Variants in HDHD2 observed in about 807,000 individuals in gnomAD.
HDHD2 encodes haloacid dehalogenase like hydrolase domain containing 2, also known as haloacid dehalogenase-like hydrolase domain-containing protein 2.
In HDHD2, 26 loss-of-function variants were observed where a neutral mutation model predicts 24.8. The ratio of observed to expected loss-of-function variants is 1.05; its 90% confidence interval spans 0.77 to 1.45. The LOEUF (loss-of-function observed/expected upper bound fraction) is 1.45. HDHD2 is among the 40% of genes most tolerant of loss of function. The pLI, the probability that HDHD2 is intolerant of heterozygous loss-of-function variation, is 0.00. For synonymous variants in HDHD2, 128 were observed against 114.9 expected (o/e 1.11, Z -0.73); for missense variants, 299 against 313.4 (o/e 0.95, Z 0.35).
chr18:47,136,357 G>A lies in HDHD2; in HGVS notation c.83C>T (p.Ala28Val). ...LHIEDAAVPGAQEALKRLRGA... is the reference protein window; with the variant it reads ...LHIEDAAVPGVQEALKRLRGA... ...AGCTTGCCTTTTAAGAGCTTCCTGT[G>A]CGCCTGGCACAGCTGCATCTTCAAT... The change falls in exon 2 of 7, where the codon GCA (alanine) becomes GTA (valine). Residue 28 changes from alanine to valine, a missense_variant. Coordinates refer to ENST00000300605, the MANE Select transcript of HDHD2 (RefSeq NM_032124.5). 1.9e-6 allele frequency: 3 copies of A among 1,613,572 alleles called. No individual in the cohort carries two copies. The highest frequency in any genetic ancestry group is 2.5e-6 in the Non-Finnish European group (3 of 1,179,948).
intron 4 of HDHD2, among the ~76,000 whole-genome samples, chr18:47,122,647 G>C (rs914901144): frequency 6.6e-6 from 1 of 151,984 alleles, no homozygotes; most frequent in Non-Finnish European, 1.5e-5. Flanking sequence ...TGAAAAACAC[G>C]AAAGGAAAAT....
chr18:47,136,507 A>C, intron 1 of HDHD2, 58 bp from the exon 2 acceptor site: 1 of 1,399,220 alleles, frequency 7.1e-7, no homozygotes, highest in Admixed American at 1.8e-5. Flanking sequence ...ACAATTAAAA[A>C]CTGGTAAGTA....
chr18:47,136,189 C>T, intron 2 of HDHD2, 150 bp downstream of exon 2: 1 of 853,660 alleles, frequency 1.2e-6, no homozygotes, highest in Non-Finnish European at 1.7e-6. Context: ...AATTGTAATG[C>T]ATACATCTTC....
chr18:47,115,968 C>G (rs2063555364), intron 4 of HDHD2, among the ~76,000 whole-genome samples: 1 of 152,142 alleles, frequency 6.6e-6, no homozygotes, highest in African/African-American at 2.4e-5. Context: ...AGACCCTTCC[C>G]CATCAGGTCC....
rs1430782940 is a variant in HDHD2 at position 47,133,137 on chromosome 18, C to A, written c.310+1359G>T. The stretch of plus-strand genomic sequence containing the variant: ...ATTAGGTATATCTCCTAACGCTATC[C>A]CTCCCCACTCCCCCCACCCCACAAC... On this transcript the variant is annotated intron_variant, in intron 3 of 6. Transcript: ENST00000300605. 3.9e-3 allele frequency among the ~76,000 whole-genome samples: 594 copies of A among 150,566 alleles called. 5 individuals carry two copies. Among genetic ancestry groups the A allele is most frequent in the African/African-American group, 0.014 (554 of 40,298 alleles).
At chr18:47,109,354 TC>T (rs1418321582) in intron 6 of HDHD2, 1 of 152,602 alleles carries the variant, frequency 6.6e-6, no homozygotes, top group Non-Finnish European at 1.5e-5. Context: ...TGCCTGACTC[TC>T]CCAACCGTGG....
intron 6 of HDHD2, chr18:47,110,490 C>T: frequency 1.0e-6 from 1 of 985,014 alleles, no homozygotes; most frequent in Non-Finnish European, 1.2e-6. Flanking sequence ...GACCTACTTT[C>T]TGGATCCAGT....
intron 4 of HDHD2, among the ~76,000 whole-genome samples, chr18:47,128,386 G>A (rs961648696): frequency 6.6e-6 from 1 of 152,134 alleles, no homozygotes; most frequent in Non-Finnish European, 1.5e-5. Context: ...AGTAGTAGAA[G>A]TAAATTCAGA....
At chr18:47,135,811 G>A (rs2063760471) in intron 2 of HDHD2, among the ~76,000 whole-genome samples, 2 of 151,986 alleles carry the variant, frequency 1.3e-5, no homozygotes, top group African/African-American at 4.8e-5. Flanking sequence ...CCAGACTTCT[G>A]TTTAGTATTG....
chr18:47,136,538 C>G (rs2063767935), intron 1 of HDHD2, 89 bp from the exon 2 acceptor site: 1 of 1,026,502 alleles, frequency 9.7e-7, no homozygotes, highest in African/African-American at 1.6e-5. Context: ...TCACTCATAT[C>G]CAGAAAGATC....
intron 4 of HDHD2, among the ~76,000 whole-genome samples, chr18:47,124,756 A>G (rs2063641886): frequency 6.6e-6 from 1 of 151,834 alleles, no homozygotes; most frequent in Admixed American, 6.6e-5. Flanking sequence ...TAAGAAAAAG[A>G]CATCCCAATC....
intron 1 of HDHD2, among the ~76,000 whole-genome samples, chr18:47,140,550 G>A (rs1348578363): frequency 6.6e-6 from 1 of 151,906 alleles, no homozygotes; most frequent in Non-Finnish European, 1.5e-5. Flanking sequence ...ACAGGGCCTT[G>A]TTCTGTCACC....
At chr18:47,144,473 T>C (rs915341068) in intron 1 of HDHD2, among the ~76,000 whole-genome samples, 1 of 152,178 alleles carries the variant, frequency 6.6e-6, no homozygotes, top group African/African-American at 2.4e-5. Context: ...CATAAACCAG[T>C]GCTGGACCCA....
At position 47,136,446 on chromosome 18, in the gene HDHD2, T is replaced by C. The variant is rs903653037; in HGVS notation, c.-7A>G. 1 of 1,611,826 alleles carries C rather than the reference T, an allele frequency of 6.2e-7. No individual in the cohort carries two copies. The highest frequency in any genetic ancestry group is 8.5e-7 in the Non-Finnish European group (1 of 1,179,516). ...ATGCACGGCATGCTGCCATCCTTCA[T>C]TCCCTAGGAGAGAGCAAATGAAATT... is the stretch of plus-strand genomic sequence containing the variant. On this transcript the variant is annotated 5_prime_UTR_variant, in exon 2 of 7. The change abolishes an upstream ATG in the 5' untranslated region. Coordinates refer to ENST00000300605, the MANE Select transcript of HDHD2 (RefSeq NM_032124.5).
intron 4 of HDHD2, among the ~76,000 whole-genome samples, chr18:47,117,564 T>C (rs1473393368): frequency 6.6e-6 from 1 of 152,222 alleles, no homozygotes; most frequent in Non-Finnish European, 1.5e-5. Flanking sequence ...GAAATAACTC[T>C]GTTCTTTATA....
At chr18:47,133,369 C>T (rs1047373914) in intron 3 of HDHD2, among the ~76,000 whole-genome samples, 2 of 151,964 alleles carry the variant, frequency 1.3e-5, no homozygotes, top group African/African-American at 4.8e-5. Flanking sequence ...TGTATATGTG[C>T]CACATTTTCT....
In HDHD2 at chr18:47,115,158, G is replaced by T; in HGVS notation, c.586C>A (p.Pro196Thr). The T allele has an allele frequency of 6.2e-7, 1 of 1,613,520 alleles. No individual in the cohort carries two copies. Among genetic ancestry groups the T allele is most frequent in the Non-Finnish European group, 8.5e-7 (1 of 1,179,710 alleles). ...TCTCCTATCATGACAGCCTCCTCAG[G>T]TTCACAGCCAGTGCCCCGCAATGCT... ...LEALRGTGCE[P>T]EEAVMIGDDC... The change falls in exon 5 of 7, where the codon CCT becomes ACT. Residue 196 changes from proline to threonine, a missense_variant. Coordinates refer to ENST00000300605, the MANE Select transcript of HDHD2 (RefSeq NM_032124.5).
intron 4 of HDHD2, among the ~76,000 whole-genome samples, chr18:47,116,756 T>C (rs1011203467): frequency 3.9e-5 from 6 of 152,222 alleles, no homozygotes; most frequent in African/African-American, 1.4e-4. Flanking sequence ...CAAGCCCACT[T>C]ATTTGCTACT....
intron 5 of HDHD2, among the ~76,000 whole-genome samples, chr18:47,113,714 T>C (rs773222835): frequency 2.0e-5 from 3 of 151,700 alleles, no homozygotes; most frequent in Non-Finnish European, 4.4e-5. Flanking sequence ...ACCTCATGTC[T>C]ATAAGCAGGA....
Sources: allele counts gnomAD v4.1 joint callset (sites outside exome capture counted in the v4.1 genomes callset), GRCh38; gene constraint gnomAD v4.1.1; transcripts MANE v1.5; gene names NCBI Gene and HGNC (gene_info 2026-07-23, HGNC 2026-07-21).